Variants in PLOD1 observed in about 807,000 individuals in gnomAD.
PLOD1 encodes procollagen-lysine,2-oxoglutarate 5-dioxygenase 1, also known as lysine hydroxylase.
Under a neutral mutation model 94.7 loss-of-function variants are expected in PLOD1, and 70 were observed. The ratio of observed to expected loss-of-function variants is 0.74; its 90% CI spans 0.61 to 0.90. The LOEUF (loss-of-function observed/expected upper bound fraction) is 0.90, where lower values mean the gene tolerates loss of function less well. Ranked by LOEUF, PLOD1 falls within the 40% of genes least tolerant of loss-of-function variation. The pLI, the probability that PLOD1 is intolerant of heterozygous loss-of-function variation, is 0.00. For missense variants in PLOD1, 905 were observed against 972.7 expected (o/e 0.93, Z 0.93); for synonymous variants, 417 against 400.2 (o/e 1.04, Z -0.50).
In PLOD1 at chr1:11,972,905, A is replaced by G. The variant is rs1645876528; in HGVS notation, c.1936A>G (p.Lys646Glu). The change falls in exon 18 of 19, where the codon AAG becomes GAG. Residue 646 changes from lysine (K) to glutamate (E), a missense_variant. Lys to Glu is a moderately conservative substitution (Grantham distance 56). Coordinates refer to ENST00000196061, the MANE Select transcript of PLOD1 (RefSeq NM_000302.4). The surrounding 1 kb of genome is among the most constrained non-coding windows in gnomAD (Gnocchi z 4.6). ...TGACCTGGCCTTTGTCGTCCGCTACAAGCCTGATGAGCAGCCCTCACTGAT... is the reference window on the plus strand; with the variant it reads ...TGACCTGGCCTTTGTCGTCCGCTACGAGCCTGATGAGCAGCCCTCACTGAT... ...QFDLAFVVRY[K>E]PDEQPSLMPH... 1.9e-6 allele frequency: 3 copies of G among 1,614,066 alleles called. No individual in the cohort carries two copies. In the East Asian group the frequency reaches 6.7e-5, roughly 36 times the overall value.
At chr1:11,954,536 C>G (rs925694396) in intron 5 of PLOD1, 1 of 679,514 alleles carries the variant, frequency 1.5e-6, no homozygotes, top group African/African-American at 1.8e-5. Flanking sequence ...GAGTGCTTGG[C>G]AGGTGCTGGT....
chr1:11,952,539 A>T, intron 4 of PLOD1, 84 bp from the exon 5 acceptor site: 1 of 935,108 alleles, frequency 1.1e-6, no homozygotes, highest in East Asian at 2.4e-5. Context: ...GGAGGTGGAT[A>T]AGAGGGAAGG....
Position 11,972,858 on chromosome 1 carries a change from C to CG in PLOD1, c.1903-14_1903-13insG. The CG allele has an allele frequency of 3.1e-6, 5 of 1,613,888 alleles. No homozygotes were observed. The highest frequency in any genetic ancestry group is 3.4e-6 in the Non-Finnish European group (4 of 1,179,816). On this transcript the variant is annotated splice_polypyrimidine_tract_variant and intron_variant, in intron 17 of 18. Transcript: ENST00000196061. The surrounding 1 kb of genome is among the most constrained non-coding windows in gnomAD (Gnocchi z 4.6). ...AACTAACACGGGCTCTCTTGTCCCC[C>CG]TGCCTTGGTACAGGCCCAGTTTGAC...
intron 16 of PLOD1, 80 bp downstream of exon 16, chr1:11,967,171 C>A (rs1463056711): frequency 8.5e-6 from 8 of 946,420 alleles, no homozygotes; most frequent in Non-Finnish European, 1.4e-5. Context: ...GGTCTTCTGG[C>A]AAGCTGGCCT....
chr1:11,952,820 C>G, intron 5 of PLOD1, 85 bp downstream of exon 5: 2 of 970,598 alleles, frequency 2.1e-6, no homozygotes, highest in Non-Finnish European at 3.3e-6. Context: ...CAGGCCTGAA[C>G]CCCTGGGTTG....
At chr1:11,947,483 T>G (rs1645664148) in intron 1 of PLOD1, among the ~76,000 whole-genome samples, 1 of 151,860 alleles carries the variant, frequency 6.6e-6, no homozygotes, top group Admixed American at 6.6e-5. Flanking sequence ...GGCAGGAGAA[T>G]AGCTTGAACC....
chr1:11,951,814 G>T (rs1461854225), intron 4 of PLOD1, among the ~76,000 whole-genome samples: 1 of 151,720 alleles, frequency 6.6e-6, no homozygotes, highest in Non-Finnish European at 1.5e-5. Flanking sequence ...AGCTACTCGG[G>T]AGGCTGAGGC....
intron 16 of PLOD1, among the ~76,000 whole-genome samples, chr1:11,968,203 C>T (rs978586135): frequency 1.1e-4 from 16 of 152,122 alleles, no homozygotes; most frequent in South Asian, 6.2e-4. Context: ...AGCTACCCAC[C>T]TCGGCCTCCC....
chr1:11,943,432 G>T (rs1405891814), intron 1 of PLOD1, among the ~76,000 whole-genome samples: 1 of 151,852 alleles, frequency 6.6e-6, no homozygotes, highest in African/African-American at 2.4e-5. Context: ...GAGTAGTTGG[G>T]ATTACAGGCA....
chr1:11,974,912 C>A lies in PLOD1; in HGVS notation c.*104C>A. On this transcript the variant is annotated 3_prime_UTR_variant, in exon 19 of 19. Transcript: ENST00000196061. ...CAGGGAACCCAGTCCAGCCTCCTGG[C>A]TGTTGACTTCCCATTGCTCTTGGAG... The A allele has an allele frequency of 9.3e-7, 1 of 1,076,040 alleles. No individual in the cohort carries two copies. Among genetic ancestry groups the A allele is most frequent in the Non-Finnish European group, 1.4e-6 (1 of 689,840 alleles). 66.7% of individuals were successfully genotyped at this position (1,076,040 alleles called of 1,614,324 possible). A position where few individuals can be genotyped will look rare whatever the true frequency, so the allele number is the denominator to read the frequency against.
chr1:11,952,907 C>T (rs903780220), intron 5 of PLOD1, among the ~76,000 whole-genome samples, 172 bp downstream of exon 5: 9 of 152,118 alleles, frequency 5.9e-5, no homozygotes, highest in African/African-American at 2.2e-4. Context: ...GTGGATTTCT[C>T]ATGGTTCTGG....
rs1269948929 is a variant in PLOD1, at chr1:11,957,198, G to A, written c.741+184G>A. ...CCTTCTTTTCCTGCTGTGGTGGTCA[G>A]TGGTACTCTGTCTGTTCTTGCTGGT... On this transcript the variant is annotated intron_variant, in intron 7 of 18. Coordinates refer to ENST00000196061, the MANE Select transcript of PLOD1 (RefSeq NM_000302.4). This position sits in a 1 kb window ranked among gnomAD's most constrained non-coding sequence, Gnocchi z 4.1. The A allele has an allele frequency of 1.3e-6, 1 of 758,960 alleles. No individual in the cohort carries two copies. The highest frequency in any genetic ancestry group is 1.7e-5 in the Admixed American group (1 of 58,260). The allele number at this position is 758,960 out of a possible 1,614,324, so 47.0% of individuals were successfully genotyped here.
At position 11,950,465 on chromosome 1, in the gene PLOD1, G is replaced by A. The variant is rs151122664; in HGVS notation, c.411G>A (p.Arg137=). 7.7e-5 allele frequency: 124 copies of A among 1,614,116 alleles called. No homozygotes were observed. The East Asian group carries it at 1.1e-3, about 15-fold the overall frequency. The part of the protein sequence containing the change: ...SAEELIYPDR[R]LETKYPVVSD... Reference sequence around the variant, plus strand: ...AGGAGCTCATCTACCCAGACCGCAGGCTGGAGACCAAGTATCCGGTGGTGT... The same window carrying A: ...AGGAGCTCATCTACCCAGACCGCAGACTGGAGACCAAGTATCCGGTGGTGT... Residue 137 remains arginine, a synonymous_variant, in exon 4 of 19, where the codon AGG becomes AGA. Coordinates refer to ENST00000196061, the MANE Select transcript of PLOD1 (RefSeq NM_000302.4).
rs1290712334 is a variant in PLOD1, at chr1:11,958,614, C to G, written c.942C>G (p.Pro314=). The change falls in exon 9 of 19, where the codon CCC becomes CCG. Residue 314 remains proline (P), a synonymous_variant. Coordinates refer to ENST00000196061, the MANE Select transcript of PLOD1 (RefSeq NM_000302.4). The surrounding 1 kb of genome is among the most constrained non-coding windows in gnomAD (Gnocchi z 4.3). ...AGCGGCTCCTGCGGCTCCACTACCC[C>G]CAGAAACACATGCGACTTTTCATCC... ...FFQRLLRLHY[P]QKHMRLFIHN... The G allele has an allele frequency of 6.2e-7, 1 of 1,614,168 alleles. No homozygotes were observed. Among genetic ancestry groups the G allele is most frequent in the Admixed American group, 1.7e-5 (1 of 60,006 alleles).
At chr1:11,949,433 T>C (rs1349279275) in intron 2 of PLOD1, among the ~76,000 whole-genome samples, 2 of 152,140 alleles carry the variant, frequency 1.3e-5, no homozygotes, top group Non-Finnish European at 2.9e-5. Context: ...TTTTTCTCTT[T>C]TTTTGAGACG....
chr1:11,946,716 C>T (rs2100740668), intron 1 of PLOD1, among the ~76,000 whole-genome samples: 2 of 152,278 alleles, frequency 1.3e-5, no homozygotes, highest in African/African-American at 4.8e-5. Flanking sequence ...AGGGTGTAGA[C>T]ACCTCTCCTG....
intron 13 of PLOD1, among the ~76,000 whole-genome samples, chr1:11,965,003 G>C (rs570459868): frequency 6.6e-6 from 1 of 152,308 alleles, no homozygotes; most frequent in East Asian, 1.9e-4. Flanking sequence ...GACCATTTTA[G>C]CTGACCTGGT....
chr1:11,935,395 G>A (rs1410764470), intron 1 of PLOD1, among the ~76,000 whole-genome samples: 1 of 152,196 alleles, frequency 6.6e-6, no homozygotes, highest in African/African-American at 2.4e-5. Context: ...GGGGTAGAAG[G>A]TGTGGCTCAC....
At chr1:11,969,291 A>G (rs899852173) in intron 16 of PLOD1, among the ~76,000 whole-genome samples, 3 of 152,014 alleles carry the variant, frequency 2.0e-5, no homozygotes, top group African/African-American at 7.2e-5. Flanking sequence ...GCCTGGCCTC[A>G]TTTTCTAAGT....
Sources: gnomAD v4.1 joint callset for allele counts (sites outside exome capture counted in the v4.1 genomes callset) on GRCh38, gnomAD v4.1.1 for gene constraint, Gnocchi (gnomAD v3.1) non-coding constraint, MANE v1.5 for transcripts, NCBI Gene and HGNC (gene_info 2026-07-23, HGNC 2026-07-21) for gene names.